The following NT5DC1 variants were observed in gnomAD, a reference collection of about 807,000 sequenced individuals.
NT5DC1 encodes the protein 5'-nucleotidase domain containing 1.
A neutral mutation model predicts 59.4 loss-of-function variants in NT5DC1; 42 were observed. That is an observed-to-expected ratio of 0.71 (90% CI 0.55 to 0.92). The LOEUF is 0.92. Ranked by LOEUF, NT5DC1 falls within the 40% of genes least tolerant of loss-of-function variation. NT5DC1 has a pLI of 0.00. For missense variants in NT5DC1, 501 were observed against 537.1 expected (o/e 0.93, Z 0.66); for synonymous variants, 172 against 188.1 (o/e 0.91, Z 0.70).
rs756835201 is a variant in NT5DC1, at chr6:116,244,044, G to C, written c.*20G>C. The C allele has an allele frequency of 7.9e-6, 8 of 1,009,226 alleles. No individual in the cohort carries two copies. Among genetic ancestry groups the C allele is most frequent in the Admixed American group, 4.3e-5 (2 of 46,096 alleles). 62.5% of individuals were successfully genotyped at this position (1,009,226 alleles called of 1,614,324 possible). A position where few individuals can be genotyped will look rare whatever the true frequency, so the allele number is the denominator to read the frequency against. On this transcript the variant is annotated 3_prime_UTR_variant, in exon 12 of 12. Transcript: ENST00000319550. ...AAATAAGTTGTCTTTACTGAAAAAT[G>C]AAGTGAAGACCCATATATGCAGTTA...
At chr6:116,197,390 G>T (rs1035209992) in intron 6 of NT5DC1, among the ~76,000 whole-genome samples, 1 of 151,922 alleles carries the variant, frequency 6.6e-6, no homozygotes, top group Non-Finnish European at 1.5e-5. Context: ...TTATCATCTT[G>T]TCTGATTTAA....
At chr6:116,168,305 G>T (rs1364709329) in intron 6 of NT5DC1, among the ~76,000 whole-genome samples, 1 of 151,302 alleles carries the variant, frequency 6.6e-6, no homozygotes, top group Non-Finnish European at 1.5e-5. Context: ...TCTGCCTTTT[G>T]TTCTGTTTTC....
chr6:116,178,114 T>C (rs534211129), intron 6 of NT5DC1, among the ~76,000 whole-genome samples: 2,864 of 141,872 alleles, frequency 0.02, 60 homozygotes, highest in African/African-American at 0.048. Flanking sequence ...TGCGTGCGTG[T>C]GTGTGTGTGT....
chr6:116,172,466 C>T (rs745336245), intron 6 of NT5DC1, among the ~76,000 whole-genome samples: 5 of 151,696 alleles, frequency 3.3e-5, no homozygotes, highest in Admixed American at 6.6e-5. Flanking sequence ...GGACTACAGG[C>T]GCACGCCACC....
chr6:116,176,904 A>T (rs915658964), intron 6 of NT5DC1, among the ~76,000 whole-genome samples: 2 of 152,188 alleles, frequency 1.3e-5, no homozygotes, highest in African/African-American at 4.8e-5. Flanking sequence ...GGACCAAGAT[A>T]TGAAAGGGGC....
chr6:116,214,213 G>A (rs1781643998), intron 6 of NT5DC1, among the ~76,000 whole-genome samples: 1 of 151,882 alleles, frequency 6.6e-6, no homozygotes, highest in Non-Finnish European at 1.5e-5. Context: ...TTGCTCTCAA[G>A]GCTCAGAAAT....
intron 1 of NT5DC1, among the ~76,000 whole-genome samples, chr6:116,103,190 C>G (rs1420931647): frequency 6.6e-6 from 1 of 152,078 alleles, no homozygotes; most frequent in Non-Finnish European, 1.5e-5. Context: ...ACATACTGGA[C>G]TCAATAAATA....
intron 6 of NT5DC1, among the ~76,000 whole-genome samples, chr6:116,198,207 G>A (rs1781275949): frequency 6.6e-6 from 1 of 152,010 alleles, no homozygotes; most frequent in African/African-American, 2.4e-5. Flanking sequence ...AACAGTTTCT[G>A]GGTAACAGCC....
chr6:116,195,442 A>G (rs141286765), intron 6 of NT5DC1, among the ~76,000 whole-genome samples: 1 of 152,112 alleles, frequency 6.6e-6, no homozygotes, highest in Non-Finnish European at 1.5e-5. Flanking sequence ...GTAGTTTACC[A>G]GATTAGGTTG....
In NT5DC1 at chr6:116,212,894, A is replaced by G. The variant is rs1415365851; in HGVS notation, c.530-8160A>G. On this transcript the variant is annotated intron_variant, in intron 6 of 11. Coordinates refer to ENST00000319550, the MANE Select transcript of NT5DC1 (RefSeq NM_152729.3). ...ACTGTTTAAAACATTTATGCTGACA[A>G]AAGCTTTTCATGTATTTACATTTTG... is the stretch of plus-strand genomic sequence containing the variant. Among the ~76,000 whole-genome samples the G allele has an allele frequency of 2.0e-5, 3 of 152,142 alleles. No homozygotes were observed. In the East Asian group the frequency reaches 5.8e-4, roughly 29 times the overall value.
chr6:116,119,919 A>AG (rs924248311), intron 6 of NT5DC1: 1 of 727,396 alleles, frequency 1.4e-6, no homozygotes, highest in Admixed American at 2.3e-5. Flanking sequence ...CTCACTTTTC[A>AG]GGGGGAAGGT....
At chr6:116,238,418 C>G (rs1274284814) in intron 10 of NT5DC1, 70 bp downstream of exon 10, 2 of 891,310 alleles carry the variant, frequency 2.2e-6, no homozygotes, top group Non-Finnish European at 3.0e-6. Flanking sequence ...TATCTTTATA[C>G]TACTTGACTC....
At chr6:116,169,360 T>C (rs1181846248) in intron 6 of NT5DC1, among the ~76,000 whole-genome samples, 2 of 152,222 alleles carry the variant, frequency 1.3e-5, no homozygotes, top group African/African-American at 2.4e-5. Context: ...ATTTAAAAAA[T>C]GAAAACATGT....
intron 6 of NT5DC1, among the ~76,000 whole-genome samples, chr6:116,166,042 G>A (rs1449421602): frequency 6.6e-6 from 1 of 152,168 alleles, no homozygotes; most frequent in Non-Finnish European, 1.5e-5. Context: ...ATTGCCTGGG[G>A]TCATGAAGGT....
rs886043380 is a variant in NT5DC1 at position 116,121,808 on chromosome 6, G to C, written c.529+3863G>C. On this transcript the variant is annotated intron_variant, in intron 6 of 11. Coordinates refer to ENST00000319550, the MANE Select transcript of NT5DC1 (RefSeq NM_152729.3). ...TGGCACACCTGGTTTCCCTACAGCT[G>C]ATGGTCCCGGTGGTCCTGGCAACCC... 1 of 1,613,920 alleles carries C rather than the reference G, an allele frequency of 6.2e-7. No homozygotes were observed. Among genetic ancestry groups the C allele is most frequent in the South Asian group, 1.1e-5 (1 of 91,048 alleles).
intron 6 of NT5DC1, among the ~76,000 whole-genome samples, chr6:116,134,602 T>C (rs751145998): frequency 1.3e-5 from 2 of 152,176 alleles, no homozygotes; most frequent in African/African-American, 2.4e-5. Flanking sequence ...TGCCCAGGGA[T>C]AGGGCCATTC....
At chr6:116,201,306 A>G (rs1438763337) in intron 6 of NT5DC1, among the ~76,000 whole-genome samples, 4 of 152,056 alleles carry the variant, frequency 2.6e-5, no homozygotes, top group Non-Finnish European at 5.9e-5. Context: ...AGTCATTCCC[A>G]CCACCTTTAT....
intron 6 of NT5DC1, among the ~76,000 whole-genome samples, chr6:116,208,842 G>A (rs1454640380): frequency 1.3e-5 from 2 of 151,948 alleles, no homozygotes; most frequent in South Asian, 2.1e-4. Flanking sequence ...TAAAGAGATG[G>A]CAGAGTAAAG....
intron 3 of NT5DC1, among the ~76,000 whole-genome samples, chr6:116,109,618 C>T (rs1420759275): frequency 2.6e-5 from 4 of 152,178 alleles, no homozygotes; most frequent in African/African-American, 9.7e-5. Flanking sequence ...TAGCATACCT[C>T]CTTGATGCTT....
Sources: allele counts gnomAD v4.1 joint callset (sites outside exome capture counted in the v4.1 genomes callset), GRCh38; gene constraint gnomAD v4.1.1; transcripts MANE v1.5; gene names NCBI Gene and HGNC (gene_info 2026-07-23, HGNC 2026-07-21).